The following ADAMTS12 variants were observed in gnomAD, a reference collection of about 807,000 sequenced individuals.
ADAMTS12 encodes ADAM metallopeptidase with thrombospondin type 1 motif 12.
A neutral mutation model predicts 167.8 loss-of-function variants in ADAMTS12; 118 were observed. That is an observed-to-expected ratio of 0.70 (90% CI 0.61 to 0.82). The LOEUF (loss-of-function observed/expected upper bound fraction) is 0.82. Among genes scored for constraint, ADAMTS12 ranks in the 40% least tolerant of loss-of-function variants. ADAMTS12 has a pLI of 0.00. For synonymous variants in ADAMTS12, 704 were observed against 716.9 expected (o/e 0.98, Z 0.29); for missense variants, 1,916 against 1,998.8 (o/e 0.96, Z 0.79).
Position 33,585,142 on chromosome 5 carries a change from T to C in ADAMTS12, c.2865+3457A>G, listed in dbSNP as rs373111232. ...GTATCTGACTAAACCATTGGAGCCA[T>C]GATTAAAAATCTCATATAATTTTGG... On this transcript the variant is annotated intron_variant, in intron 18 of 23. Coordinates refer to ENST00000504830, the MANE Select transcript of ADAMTS12 (RefSeq NM_030955.4). 4.9e-4 allele frequency among the ~76,000 whole-genome samples: 74 copies of C among 152,308 alleles called. 1 individual carries two copies. Among genetic ancestry groups the C allele is most frequent in the East Asian group, 4.6e-3 (24 of 5,176 alleles).
chr5:33,830,754 C>T (rs764698894), intron 2 of ADAMTS12, among the ~76,000 whole-genome samples: 50 of 152,086 alleles, frequency 3.3e-4, no homozygotes, highest in South Asian at 1.5e-3. Flanking sequence ...ATTACACCAC[C>T]GCACTCCAGC....
chr5:33,764,786 T>C (rs1031890089), intron 2 of ADAMTS12, among the ~76,000 whole-genome samples: 8 of 151,504 alleles, frequency 5.3e-5, no homozygotes, highest in African/African-American at 1.7e-4. Context: ...AATGGCTAAG[T>C]GCTTTCTAAA....
intron 5 of ADAMTS12, among the ~76,000 whole-genome samples, chr5:33,682,539 T>C (rs1039046248): frequency 3.3e-5 from 5 of 152,224 alleles, no homozygotes; most frequent in Middle Eastern, 3.2e-3. Context: ...TTAAGTCTTA[T>C]GTTTACTTTA....
At chr5:33,802,150 G>C (rs1579948994) in intron 2 of ADAMTS12, among the ~76,000 whole-genome samples, 1 of 152,178 alleles carries the variant, frequency 6.6e-6, no homozygotes, top group Admixed American at 6.5e-5. Context: ...CTAGCATCTT[G>C]ATCTTGGACT....
chr5:33,617,295 G>A (rs569776852), intron 14 of ADAMTS12, among the ~76,000 whole-genome samples: 3 of 151,258 alleles, frequency 2.0e-5, no homozygotes, highest in South Asian at 2.1e-4. Flanking sequence ...TATGCACTAC[G>A]TTATTTGGTC....
intron 2 of ADAMTS12, among the ~76,000 whole-genome samples, chr5:33,811,339 G>A (rs574748144): frequency 1.2e-4 from 19 of 152,288 alleles, no homozygotes; most frequent in Admixed American, 3.9e-4. Flanking sequence ...TTTTTAGAAG[G>A]TAGTCAGTGC....
At chr5:33,886,805 G>A (rs567725282) in intron 1 of ADAMTS12, among the ~76,000 whole-genome samples, 59 of 152,206 alleles carry the variant, frequency 3.9e-4, no homozygotes, top group African/African-American at 1.3e-3. Flanking sequence ...GTTTGTGTTG[G>A]TGACCCAAGC....
intron 7 of ADAMTS12, among the ~76,000 whole-genome samples, chr5:33,652,399 T>C (rs1181134667): frequency 6.6e-6 from 1 of 152,124 alleles, no homozygotes; most frequent in Non-Finnish European, 1.5e-5. Flanking sequence ...GAGGATTTTT[T>C]ATATGTTTAT....
intron 2 of ADAMTS12, among the ~76,000 whole-genome samples, chr5:33,821,369 G>A (rs1218150288): frequency 1.3e-5 from 2 of 152,066 alleles, no homozygotes; most frequent in African/African-American, 2.4e-5. Context: ...TACGCCAATT[G>A]TTGGGCATTT....
chr5:33,889,060 TC>T (rs1325134231), intron 1 of ADAMTS12, among the ~76,000 whole-genome samples: 7 of 152,184 alleles, frequency 4.6e-5, no homozygotes, highest in Non-Finnish European at 1.0e-4. Context: ...CCTGTGCAAT[TC>T]CCTTTACCCT....
At chr5:33,885,322 G>A (rs1561328743) in intron 1 of ADAMTS12, among the ~76,000 whole-genome samples, 1 of 152,018 alleles carries the variant, frequency 6.6e-6, no homozygotes, top group African/African-American at 2.4e-5. Flanking sequence ...TGAAATAATG[G>A]GTAAGAGTAC....
At chr5:33,794,494 G>C (rs1746697446) in intron 2 of ADAMTS12, among the ~76,000 whole-genome samples, 1 of 114,540 alleles carries the variant, frequency 8.7e-6, no homozygotes, top group Admixed American at 7.9e-5. Flanking sequence ...TCTGCACCCA[G>C]CCTGCTGCAG....
chr5:33,675,916 G>A (rs1291897341), intron 5 of ADAMTS12, among the ~76,000 whole-genome samples: 1 of 152,122 alleles, frequency 6.6e-6, no homozygotes, highest in African/African-American at 2.4e-5. Context: ...GACTATGATG[G>A]CTCACAATAA....
At chr5:33,533,658 C>T (rs533947650) in intron 23 of ADAMTS12, among the ~76,000 whole-genome samples, 1 of 152,202 alleles carries the variant, frequency 6.6e-6, no homozygotes, top group African/African-American at 2.4e-5. Context: ...TCAGTAAGAG[C>T]TTCCTGTGAT....
In ADAMTS12 at chr5:33,770,226, G is replaced by A. The variant is rs146053907; in HGVS notation, c.490-18678C>T. On this transcript the variant is annotated intron_variant, in intron 2 of 23. Transcript: ENST00000504830. ...AAATGGCCTTATGTGCTGGATCCTG[G>A]TTGCTTCCAATTTTGAACTGACTAT... 5.6e-3 allele frequency among the ~76,000 whole-genome samples: 851 copies of A among 152,236 alleles called. 8 individuals are homozygous for A. The highest frequency in any genetic ancestry group is 7.7e-3 in the Non-Finnish European group (521 of 68,010).
chr5:33,535,466 G>T (rs457353), intron 22 of ADAMTS12, among the ~76,000 whole-genome samples: 73,029 of 151,884 alleles, frequency 0.48, 18,703 homozygotes, highest in East Asian at 0.78. Flanking sequence ...CTTGGGTGTT[G>T]TTGGTGGCCA....
intron 3 of ADAMTS12, among the ~76,000 whole-genome samples, chr5:33,749,324 G>A (rs1161980694): frequency 2.6e-5 from 4 of 152,162 alleles, no homozygotes; most frequent in South Asian, 2.1e-4. Flanking sequence ...GAATAGAACC[G>A]TGACTTGTGA....
chr5:33,722,652 C>T (rs2112337924), intron 3 of ADAMTS12, among the ~76,000 whole-genome samples: 1 of 152,300 alleles, frequency 6.6e-6, no homozygotes, highest in African/African-American at 2.4e-5. Context: ...CGAAGACGAT[C>T]TTTAGCTGGA....
At chr5:33,559,377 C>T (rs947110531) in intron 20 of ADAMTS12, among the ~76,000 whole-genome samples, 6 of 152,144 alleles carry the variant, frequency 3.9e-5, no homozygotes, top group Non-Finnish European at 8.8e-5. Flanking sequence ...TCACCACTGA[C>T]CAGTGCCTTA....
Sources: gnomAD v4.1 joint callset for allele counts (sites outside exome capture counted in the v4.1 genomes callset) on GRCh38, gnomAD v4.1.1 for gene constraint, MANE v1.5 for transcripts, NCBI Gene and HGNC (gene_info 2026-07-23, HGNC 2026-07-21) for gene names.